COL19A1: variants seen among roughly 807,000 people sequenced by gnomAD.
The protein encoded by COL19A1 is collagen type XIX alpha 1 chain.
In COL19A1, 159 loss-of-function variants were observed where a neutral mutation model predicts 190.2. The observed-to-expected ratio is 0.84, with a 90% CI of 0.73 to 0.95. The LOEUF is 0.95. COL19A1 is among the 40% of genes least tolerant of loss of function. COL19A1 has a pLI of 0.00. For missense variants in COL19A1, 1,418 were observed against 1,431.9 expected, an observed-to-expected ratio of 0.99 and a Z score of 0.16; for synonymous variants, 509 against 458.9, an observed-to-expected ratio of 1.11 and a Z score of -1.39.
At chr6:69,918,701 G>A (rs964146842) in intron 4 of COL19A1, among the ~76,000 whole-genome samples, 3 of 151,912 alleles carry the variant, frequency 2.0e-5, no homozygotes, top group African/African-American at 7.3e-5. Context: ...GTGAGACCCT[G>A]CCGCAAAAAA....
At chr6:70,131,128 G>T in intron 18 of COL19A1, 1 of 390,492 alleles carries the variant, frequency 2.6e-6, no homozygotes, top group Non-Finnish European at 5.4e-6. Context: ...GTTTGATTCT[G>T]AAATTGTAAT....
intron 9 of COL19A1, among the ~76,000 whole-genome samples, chr6:69,952,855 G>C (rs955878248): frequency 6.6e-6 from 1 of 152,026 alleles, no homozygotes; most frequent in Non-Finnish European, 1.5e-5. Context: ...TACAGTTTAT[G>C]TAAGTGCAGA....
chr6:69,925,723 G>A (rs1253056875), intron 4 of COL19A1, among the ~76,000 whole-genome samples: 1 of 152,146 alleles, frequency 6.6e-6, no homozygotes, highest in Non-Finnish European at 1.5e-5. Context: ...CATGGGCATG[G>A]AATGTTCTTC....
intron 10 of COL19A1, among the ~76,000 whole-genome samples, chr6:69,960,623 CTTTTTTT>C (rs35552190): frequency 2.7e-5 from 3 of 109,864 alleles, no homozygotes; most frequent in Admixed American, 1.0e-4. Context: ...TGTGCCCCCA[CTTTTTTT>C]TTTTTTTTTT....
At chr6:70,075,912 C>T (rs997846779) in intron 15 of COL19A1, among the ~76,000 whole-genome samples, 1 of 152,090 alleles carries the variant, frequency 6.6e-6, no homozygotes, top group Non-Finnish European at 1.5e-5. Flanking sequence ...AACAAAATAA[C>T]ATAATAAGTT....
At chr6:69,999,979 C>T (rs534584158) in intron 11 of COL19A1, among the ~76,000 whole-genome samples, 17 of 152,086 alleles carry the variant, frequency 1.1e-4, no homozygotes, top group Admixed American at 5.2e-4. Context: ...TGGTTTGCTG[C>T]GCCTACTGAC....
intron 12 of COL19A1, among the ~76,000 whole-genome samples, chr6:70,032,651 T>C (rs1400567853): frequency 6.6e-6 from 1 of 152,184 alleles, no homozygotes; most frequent in Non-Finnish European, 1.5e-5. Context: ...TTTCTTATAC[T>C]AAATATTGTA....
intron 4 of COL19A1, among the ~76,000 whole-genome samples, chr6:69,904,254 C>T (rs920631567): frequency 6.6e-6 from 1 of 152,198 alleles, no homozygotes; most frequent in Non-Finnish European, 1.5e-5. Flanking sequence ...AGTATATGAT[C>T]GCCATTTACT....
intron 17 of COL19A1, among the ~76,000 whole-genome samples, chr6:70,129,804 G>GAAC: frequency 6.6e-6 from 1 of 152,248 alleles, no homozygotes; most frequent in Non-Finnish European, 1.5e-5. Context: ...AGTGGTCTGA[G>GAAC]AACAATAAAG....
intron 11 of COL19A1, among the ~76,000 whole-genome samples, chr6:69,974,894 G>C (rs1775628829): frequency 7.1e-6 from 1 of 140,972 alleles, no homozygotes; most frequent in South Asian, 2.3e-4. Context: ...CTCACTGCAA[G>C]CTCCACCTCC....
rs185304361 is a variant in COL19A1, at chr6:69,954,262, T to A, written c.937-5734T>A. ...ATTTATATCACCAATGTAGAGTGTG[T>A]CTATACACCCTGCTAAAATGTGAGC... On this transcript the variant is annotated intron_variant, in intron 9 of 50. Transcript: ENST00000620364. Among the ~76,000 whole-genome samples the A allele has an allele frequency of 7.2e-5, 11 of 152,096 alleles. No individual in the cohort carries two copies. In the East Asian group the frequency reaches 2.1e-3, roughly 29 times the overall value.
chr6:69,949,829 A>G (rs1419457743), intron 9 of COL19A1, among the ~76,000 whole-genome samples: 3 of 151,840 alleles, frequency 2.0e-5, no homozygotes, highest in Non-Finnish European at 4.4e-5. Flanking sequence ...AGTACTTAAG[A>G]GTACTGTTAA....
chr6:70,084,253 G>T (rs763728277), intron 15 of COL19A1, among the ~76,000 whole-genome samples: 1 of 152,102 alleles, frequency 6.6e-6, no homozygotes, highest in Non-Finnish European at 1.5e-5. Flanking sequence ...TTAGGATCGA[G>T]TTTAGACTTA....
chr6:69,897,481 ACACACACC>A (rs1769870086), intron 2 of COL19A1, among the ~76,000 whole-genome samples: 1 of 151,948 alleles, frequency 6.6e-6, no homozygotes, highest in African/African-American at 2.4e-5. Flanking sequence ...ACACACACAC[ACACACACC>A]CCATACTGTT....
chr6:69,939,594 T>C (rs1412679663), intron 9 of COL19A1, among the ~76,000 whole-genome samples: 2 of 152,128 alleles, frequency 1.3e-5, no homozygotes, highest in Non-Finnish European at 2.9e-5. Flanking sequence ...GTATCTGTGT[T>C]CTTTGATCAG....
chr6:70,096,425 C>G (rs1783279479), intron 15 of COL19A1, among the ~76,000 whole-genome samples: 2 of 152,074 alleles, frequency 1.3e-5, no homozygotes. Context: ...ATGTCCTCAC[C>G]AACACTTGTT....
At chr6:69,908,392 C>T (rs1770698072) in intron 4 of COL19A1, among the ~76,000 whole-genome samples, 1 of 152,010 alleles carries the variant, frequency 6.6e-6, no homozygotes, top group African/African-American at 2.4e-5. Context: ...CAAAGTTGTC[C>T]AGCTGTTTTT....
At chr6:69,901,342 T>TA (rs1367388662) in intron 4 of COL19A1, among the ~76,000 whole-genome samples, 1 of 152,256 alleles carries the variant, frequency 6.6e-6, no homozygotes, top group Non-Finnish European at 1.5e-5. Flanking sequence ...GTTCATAACC[T>TA]ACACTTTTTC....
At chr6:70,139,853 C>T (rs1227574448) in intron 19 of COL19A1, among the ~76,000 whole-genome samples, 2 of 151,752 alleles carry the variant, frequency 1.3e-5, no homozygotes, top group Non-Finnish European at 2.9e-5. Flanking sequence ...AAGTGACTTG[C>T]CTCAAATAGT....
Sources: allele counts gnomAD v4.1 joint callset (sites outside exome capture counted in the v4.1 genomes callset), GRCh38; gene constraint gnomAD v4.1.1; transcripts MANE v1.5; gene names NCBI Gene and HGNC (gene_info 2026-07-23, HGNC 2026-07-21).